AGPAT3: variants seen among roughly 807,000 people sequenced by gnomAD.
AGPAT3 encodes 1-acylglycerol-3-phosphate O-acyltransferase 3.
A neutral mutation model predicts 47.3 loss-of-function variants in AGPAT3; 5 were observed. The observed-to-expected ratio is 0.11, with a 90% CI of 0.06 to 0.22. The LOEUF (loss-of-function observed/expected upper bound fraction) is 0.22, where lower values mean the gene tolerates loss of function less well. Ranked by LOEUF, AGPAT3 falls within the 10% of genes least tolerant of loss-of-function variation. The pLI is 1.00. For synonymous variants in AGPAT3, 212 were observed against 208.3 expected (o/e 1.02, Z -0.15); for missense variants, 315 against 493.0 (o/e 0.64, Z 3.42).
chr21:43,873,002 C>G (rs149693016), intron 1 of AGPAT3, among the ~76,000 whole-genome samples: 1 of 152,194 alleles, frequency 6.6e-6, no homozygotes, highest in East Asian at 1.9e-4. Flanking sequence ...CCTGCCGGGA[C>G]GGCGAAACTT....
chr21:43,947,843 C>T (rs2087976724), intron 2 of AGPAT3, among the ~76,000 whole-genome samples: 1 of 152,058 alleles, frequency 6.6e-6, no homozygotes, highest in Non-Finnish European at 1.5e-5. Context: ...CGGGGTTTCA[C>T]CATGTTGGTG....
At chr21:43,891,477 C>T (rs752781015) in intron 1 of AGPAT3, among the ~76,000 whole-genome samples, 1 of 152,016 alleles carries the variant, frequency 6.6e-6, no homozygotes, top group Non-Finnish European at 1.5e-5. Flanking sequence ...ACTAAAAATA[C>T]AAAAAATTAG....
intron 1 of AGPAT3, among the ~76,000 whole-genome samples, chr21:43,893,807 G>T (rs1348833754): frequency 1.3e-5 from 2 of 152,194 alleles, no homozygotes; most frequent in Non-Finnish European, 2.9e-5. Flanking sequence ...CTCCTCTGAT[G>T]GGGGCCCGGT....
At chr21:43,877,487 G>T (rs991956518) in intron 1 of AGPAT3, among the ~76,000 whole-genome samples, 4 of 151,824 alleles carry the variant, frequency 2.6e-5, no homozygotes, top group African/African-American at 9.7e-5. Flanking sequence ...TTGTTGCCCA[G>T]TCTGGAGTAC....
chr21:43,967,326 C>G (rs948555616), intron 3 of AGPAT3: 2 of 152,558 alleles, frequency 1.3e-5, no homozygotes, highest in African/African-American at 4.8e-5. Context: ...TCAGGTGTGC[C>G]CTGCTGTCTC....
intron 1 of AGPAT3, among the ~76,000 whole-genome samples, chr21:43,887,556 G>A (rs1408017368): frequency 1.3e-5 from 2 of 152,216 alleles, no homozygotes; most frequent in Non-Finnish European, 2.9e-5. Flanking sequence ...GTAATGCTCA[G>A]GTGGTTGAGG....
intron 1 of AGPAT3, among the ~76,000 whole-genome samples, chr21:43,903,415 C>A (rs909897663): frequency 1.3e-5 from 2 of 152,226 alleles, no homozygotes; most frequent in African/African-American, 4.8e-5. Context: ...GTGGACGTCA[C>A]CACAATGTAA....
intron 7 of AGPAT3, among the ~76,000 whole-genome samples, chr21:43,974,755 C>CTG (rs1338857820): frequency 6.6e-6 from 1 of 151,884 alleles, no homozygotes; most frequent in Admixed American, 6.6e-5. Context: ...CGACATGGGG[C>CTG]TGTGTGTGTC....
chr21:43,906,368 A>G (rs571074411), intron 2 of AGPAT3, among the ~76,000 whole-genome samples: 1 of 152,092 alleles, frequency 6.6e-6, no homozygotes, highest in Non-Finnish European at 1.5e-5. Flanking sequence ...CGAAATCTAT[A>G]GCAAAATGTT....
intron 2 of AGPAT3, among the ~76,000 whole-genome samples, chr21:43,936,479 C>G (rs1001519803): frequency 2.6e-5 from 4 of 152,234 alleles, no homozygotes; most frequent in African/African-American, 9.6e-5. Context: ...GCCTGGGAGT[C>G]AAAGCTGCAA....
chr21:43,883,811 C>G (rs920458707), intron 1 of AGPAT3, among the ~76,000 whole-genome samples: 10 of 152,288 alleles, frequency 6.6e-5, no homozygotes, highest in Middle Eastern at 3.4e-3. Flanking sequence ...CCAGGCTGGT[C>G]TCAAACTTCT....
chr21:43,870,873 G>A (rs1424856302), intron 1 of AGPAT3, among the ~76,000 whole-genome samples: 1 of 152,188 alleles, frequency 6.6e-6, no homozygotes, highest in East Asian at 1.9e-4. Flanking sequence ...GGCCTATGAA[G>A]GGGTGGCTGT....
At chr21:43,956,270 C>A (rs1245069438) in intron 2 of AGPAT3, among the ~76,000 whole-genome samples, 1 of 152,204 alleles carries the variant, frequency 6.6e-6, no homozygotes, top group Non-Finnish European at 1.5e-5. Context: ...GGGGCCCCTG[C>A]CCACCCTGGG....
intron 2 of AGPAT3, among the ~76,000 whole-genome samples, chr21:43,943,481 A>G (rs563731253): frequency 2.6e-5 from 4 of 152,194 alleles, no homozygotes; most frequent in Non-Finnish European, 5.9e-5. Flanking sequence ...TAAGCCCTGC[A>G]CGCACAGTGG....
Position 43,969,244 on chromosome 21 carries a change from C to T in AGPAT3, c.475C>T (p.Leu159=). ...EEDRDTVVEG[L]RRLSDYPEYM... ...GGACCGGGACACCGTGGTCGAAGGG[C>T]TGAGGCGCCTGTCGGACTACCCCGA... Residue 159 remains leucine (L), a synonymous_variant, in exon 5 of 10, where the codon CTG becomes TTG. Transcript: ENST00000291572. 6.2e-7 allele frequency: 1 copy of T among 1,614,240 alleles called. No homozygotes were observed. The highest frequency in any genetic ancestry group is 8.5e-7 in the Non-Finnish European group (1 of 1,180,026).
Position 43,970,945 on chromosome 21 carries a change from G to T in AGPAT3, c.664+139G>T. 1.0e-6 allele frequency: 1 copy of T among 962,856 alleles called. No homozygotes were observed. Among genetic ancestry groups the T allele is most frequent in the Admixed American group, 3.6e-5 (1 of 28,002 alleles). 59.6% of individuals were successfully genotyped at this position (962,856 alleles called of 1,614,324 possible). On this transcript the variant is annotated intron_variant, in intron 6 of 9. Coordinates refer to ENST00000291572, the MANE Select transcript of AGPAT3 (RefSeq NM_020132.5). The surrounding 1 kb of genome is among the most constrained non-coding windows in gnomAD (Gnocchi z 5.8). ...GCAAAAGGAATCAAGTGAGGGGGTC[G>T]GCGCCGCAAGGTTCCCGCGTCAGGT...
At position 43,985,543 on chromosome 21, in the gene AGPAT3, G is replaced by A. The variant is rs1288103473; in HGVS notation, c.*3151G>A. ...GCTGAGCATTGATGTTGATTTGAAG[G>A]AAAAGCCGTGGTTGGACCCAGCTGT... On this transcript the variant is annotated 3_prime_UTR_variant, in exon 10 of 10. Coordinates refer to ENST00000291572, the MANE Select transcript of AGPAT3 (RefSeq NM_020132.5). The A allele has an allele frequency of 3.7e-6, 1 of 267,886 alleles. No homozygotes were observed. Among genetic ancestry groups the A allele is most frequent in the African/African-American group, 2.3e-5 (1 of 44,176 alleles). 16.6% of individuals were successfully genotyped at this position (267,886 alleles called of 1,614,324 possible).
intron 1 of AGPAT3, among the ~76,000 whole-genome samples, chr21:43,883,352 C>T (rs1337015320): frequency 1.3e-5 from 2 of 152,232 alleles, no homozygotes; most frequent in Admixed American, 1.3e-4. Flanking sequence ...GCTGAGCCTC[C>T]GACACCGGTT....
In AGPAT3 at chr21:43,869,368, G is replaced by T. The variant is rs538716750; in HGVS notation, c.-112+4023G>T. Among the ~76,000 whole-genome samples, 3 of 152,268 alleles carry T rather than the reference G, an allele frequency of 2.0e-5. No individual in the cohort carries two copies. In the East Asian group the frequency reaches 5.8e-4, roughly 29 times the overall value. On this transcript the variant is annotated intron_variant, in intron 1 of 9. Coordinates refer to ENST00000291572, the MANE Select transcript of AGPAT3 (RefSeq NM_020132.5). ...AGTGAACAAATGTGCATTTTATTAG[G>T]GAGCTACACATAATTTTTGCATTGA...
Sources: gnomAD v4.1 joint callset for allele counts (sites outside exome capture counted in the v4.1 genomes callset) on GRCh38, gnomAD v4.1.1 for gene constraint, Gnocchi (gnomAD v3.1) non-coding constraint, MANE v1.5 for transcripts, NCBI Gene and HGNC (gene_info 2026-07-23, HGNC 2026-07-21) for gene names.